HYCC1: variants seen among roughly 807,000 people sequenced by gnomAD.
HYCC1 encodes hyccin PI4KA lipid kinase complex subunit 1, also known as hyccin.
At chr7:22,903,303 A>G in the HYCC1 span, among the ~76,000 whole-genome samples, 1 of 152,188 alleles carries the variant, frequency 6.6e-6, no homozygotes, top group Admixed American at 6.5e-5. Context: ...AATAGCCCTA[A>G]ACTGGAAACA....
At chr7:22,986,780 A>C in the HYCC1 span, among the ~76,000 whole-genome samples, 22 of 152,150 alleles carry the variant, frequency 1.4e-4, no homozygotes, top group Non-Finnish European at 3.1e-4. Context: ...CCCGGGAGGC[A>C]GAGGTTGCAG....
chr7:22,937,740 T>C, the HYCC1 span: 1 of 152,198 alleles, frequency 6.6e-6, no homozygotes, highest in Admixed American at 6.6e-5. Context: ...CCCACAGGGC[T>C]GTGGTCTAGT....
chr7:22,905,890 G>A, the HYCC1 span, among the ~76,000 whole-genome samples: 1 of 152,190 alleles, frequency 6.6e-6, no homozygotes, highest in Non-Finnish European at 1.5e-5. Context: ...ATGAAGACAT[G>A]TGCCTTATTG....
chr7:22,901,438 C>T, the HYCC1 span, among the ~76,000 whole-genome samples: 11 of 151,972 alleles, frequency 7.2e-5, no homozygotes, highest in Non-Finnish European at 2.9e-5. Flanking sequence ...AATTAGAAGA[C>T]GAAGATTGGC....
the HYCC1 span, among the ~76,000 whole-genome samples, chr7:22,979,417 G>A: frequency 6.6e-6 from 1 of 152,194 alleles, no homozygotes; most frequent in African/African-American, 2.4e-5. Context: ...GGCAACAGAT[G>A]TCCACTGTGG....
chr7:22,982,748 C>G, the HYCC1 span, among the ~76,000 whole-genome samples: 1 of 152,120 alleles, frequency 6.6e-6, no homozygotes, highest in Non-Finnish European at 1.5e-5. Context: ...AATCTATCCT[C>G]CACATAGCCA....
chr7:22,911,765 G>A, the HYCC1 span, among the ~76,000 whole-genome samples: 40,587 of 151,998 alleles, frequency 0.27, 5,573 homozygotes, highest in East Asian at 0.48. Context: ...TCAAAAAATC[G>A]TAATAATAAT....
chr7:22,929,690 A>G, the HYCC1 span, among the ~76,000 whole-genome samples: 1 of 152,200 alleles, frequency 6.6e-6, no homozygotes, highest in African/African-American at 2.4e-5. Flanking sequence ...AAGTCAGGAA[A>G]CAACAGGTGC....
the HYCC1 span, among the ~76,000 whole-genome samples, chr7:22,971,560 C>T: frequency 3.3e-5 from 5 of 150,964 alleles, no homozygotes; most frequent in African/African-American, 1.2e-4. Flanking sequence ...CCTGTAGTCA[C>T]AGCTACTCAG....
At chr7:22,903,843 G>GCC in the HYCC1 span, among the ~76,000 whole-genome samples, 2 of 152,080 alleles carry the variant, frequency 1.3e-5, no homozygotes, top group Admixed American at 1.3e-4. Context: ...TCATAACCTG[G>GCC]CCAGAGAGGG....
chr7:22,928,826 G>GA, the HYCC1 span, among the ~76,000 whole-genome samples: 151 of 150,082 alleles, frequency 1.0e-3, no homozygotes, highest in Middle Eastern at 0.01. Context: ...CACAGAACTG[G>GA]AAAAAAAAAA....
the HYCC1 span, chr7:22,934,206 CTTTTTTTTTTTTTTTTTTT>C: frequency 1.0e-5 from 1 of 100,182 alleles, no homozygotes; most frequent in Non-Finnish European, 1.9e-5. Context: ...TCTTTTTTTT[CTTTTTTTTTTTTTTTTTTT>C]TTTTTTTTTC....
chr7:22,932,534 C>T, the HYCC1 span, among the ~76,000 whole-genome samples: 12 of 152,060 alleles, frequency 7.9e-5, no homozygotes, highest in Admixed American at 7.2e-4. Flanking sequence ...AAGCAGATAC[C>T]TTATTTTCTG....
chr7:22,898,960 T>C, the HYCC1 span, among the ~76,000 whole-genome samples: 1 of 152,226 alleles, frequency 6.6e-6, no homozygotes. Context: ...CAAGCTTGCA[T>C]ACAGGAAGGT....
At chr7:22,912,003 A>C in the HYCC1 span, among the ~76,000 whole-genome samples, 4 of 152,316 alleles carry the variant, frequency 2.6e-5, no homozygotes, top group East Asian at 7.7e-4. Context: ...AAGACCACAA[A>C]ATGTTTTTAA....
At chr7:22,933,806 G>A in the HYCC1 span, among the ~76,000 whole-genome samples, 1 of 152,106 alleles carries the variant, frequency 6.6e-6, no homozygotes, top group Non-Finnish European at 1.5e-5. Flanking sequence ...ACTAATAACT[G>A]GGTCATCTGT....
the HYCC1 span, among the ~76,000 whole-genome samples, chr7:23,000,371 G>GGTACCTATCTATATCTATATAGATAT: frequency 6.6e-6 from 1 of 151,684 alleles, no homozygotes; most frequent in South Asian, 2.1e-4. Flanking sequence ...TATATAGATA[G>GGTACCTATCTATATCTATATAGATAT]GTACCTATCT....
At chr7:22,975,773 G>A in the HYCC1 span, among the ~76,000 whole-genome samples, 1 of 152,158 alleles carries the variant, frequency 6.6e-6, no homozygotes, top group African/African-American at 2.4e-5. Context: ...CTGGAGTGCA[G>A]TGGTGCAATC....
chr7:22,925,511 C>A, the HYCC1 span, among the ~76,000 whole-genome samples: 73 of 152,206 alleles, frequency 4.8e-4, no homozygotes, highest in African/African-American at 1.6e-3. Context: ...CTGAAAACCA[C>A]GGCACGAGAA....
Sources: gnomAD v4.1 joint callset for allele counts (sites outside exome capture counted in the v4.1 genomes callset) on GRCh38, gnomAD v4.1.1 for gene constraint, MANE v1.5 for transcripts, NCBI Gene and HGNC (gene_info 2026-07-23, HGNC 2026-07-21) for gene names.